WDHD1: variants seen among roughly 807,000 people sequenced by gnomAD.
WDHD1 encodes the protein WD repeat and HMG-box DNA-binding protein 1.
WDHD1 carries 111 observed loss-of-function variants against 135.4 expected under a neutral mutation model. The observed-to-expected ratio is 0.82, with a 90% CI of 0.70 to 0.96. WDHD1 has a LOEUF of 0.96. WDHD1 is among the 40% of genes least tolerant of loss of function. The pLI, the probability that WDHD1 is intolerant of heterozygous loss-of-function variation, is 0.00. For missense variants in WDHD1, 1,351 were observed against 1,336.3 expected (o/e 1.01, Z -0.17); for synonymous variants, 434 against 439.0 (o/e 0.99, Z 0.14).
At position 54,991,524 on chromosome 14, in the gene WDHD1, T is replaced by C; in HGVS notation, c.1154-124A>G. 5.5e-6 allele frequency: 5 copies of C among 913,926 alleles called. No homozygotes were observed. In the South Asian group the frequency reaches 8.5e-5, roughly 16 times the overall value. 56.6% of individuals were successfully genotyped at this position (913,926 alleles called of 1,614,324 possible). Reference sequence around the variant, plus strand: ...ATGACACTGACATGCTATTTGCCTCTTTCACTGTGTTAAAGAGATGCAGTG... The same window carrying C: ...ATGACACTGACATGCTATTTGCCTCCTTCACTGTGTTAAAGAGATGCAGTG... On this transcript the variant is annotated intron_variant, in intron 11 of 25. Coordinates refer to ENST00000360586, the MANE Select transcript of WDHD1 (RefSeq NM_007086.4).
intron 16 of WDHD1, among the ~76,000 whole-genome samples, chr14:54,971,447 T>C (rs913057386): frequency 6.6e-6 from 1 of 152,114 alleles, no homozygotes; most frequent in African/African-American, 2.4e-5. Context: ...TGTGGTGGCA[T>C]GTGCCTGTAG....
chr14:54,962,993 C>T lies in WDHD1; in HGVS notation c.2490G>A (p.Glu830=). The stretch of plus-strand genomic sequence containing the variant: ...TTCTGAAATCTTCTTCTTCTTCTTC[C>T]TCTTCCACCTGGGTTGCTGTCAATT... ...AAELTATQVE[E]EEEEEDFRKK... Residue 830 remains glutamate (E), a synonymous_variant, in exon 19 of 26, where the codon GAG becomes GAA. Transcript: ENST00000360586. The T allele has an allele frequency of 6.2e-7, 1 of 1,613,570 alleles. No homozygotes were observed. Among genetic ancestry groups the T allele is most frequent in the Non-Finnish European group, 8.5e-7 (1 of 1,179,800 alleles).
intron 15 of WDHD1, 99 bp downstream of exon 15, chr14:54,984,618 TTTATTC>T: frequency 7.1e-6 from 7 of 987,554 alleles, no homozygotes; most frequent in Non-Finnish European, 9.5e-6. Flanking sequence ...ATAGAGATAA[TTTATTC>T]TTAAATTAAT....
intron 11 of WDHD1, among the ~76,000 whole-genome samples, chr14:54,991,718 T>C (rs761291977): frequency 2.3e-4 from 35 of 152,176 alleles, no homozygotes; most frequent in Non-Finnish European, 1.0e-4. Flanking sequence ...TTTAAAGTTC[T>C]GTGTGCTAAA....
chr14:54,988,982 T>C (rs1406489390), intron 13 of WDHD1, 46 bp downstream of exon 13: 23 of 1,484,482 alleles, frequency 1.5e-5, no homozygotes, highest in Admixed American at 2.0e-5. Context: ...CAACTGTATC[T>C]AACAGTTCAA....
rs987448108 is a variant in WDHD1 at position 54,939,300 on chromosome 14, G to T, written c.*2190C>A. On this transcript the variant is annotated 3_prime_UTR_variant, in exon 26 of 26. Coordinates refer to ENST00000360586, the MANE Select transcript of WDHD1 (RefSeq NM_007086.4). Reference sequence around the variant, plus strand: ...ACTACCTGGCATCTGTTCCATGTTAGTGACAGTGACTCACCCCAGGTTGCT... The same window carrying T: ...ACTACCTGGCATCTGTTCCATGTTATTGACAGTGACTCACCCCAGGTTGCT... 6.6e-6 allele frequency: 1 copy of T among 152,176 alleles called. No individual in the cohort carries two copies. Among genetic ancestry groups the T allele is most frequent in the South Asian group, 2.1e-4 (1 of 4,834 alleles). The allele number at this position is 152,176 out of a possible 1,614,324, so 9.4% of individuals were successfully genotyped here. A position where few individuals can be genotyped will look rare whatever the true frequency, so the allele number is the denominator to read the frequency against.
chr14:54,967,971 T>C (rs1324067207), intron 16 of WDHD1, among the ~76,000 whole-genome samples: 1 of 152,176 alleles, frequency 6.6e-6, no homozygotes, highest in Non-Finnish European at 1.5e-5. Flanking sequence ...ATCAGCTCTC[T>C]TCATATTTTC....
intron 18 of WDHD1, among the ~76,000 whole-genome samples, chr14:54,964,071 G>C (rs2041301426): frequency 6.6e-6 from 1 of 152,134 alleles, no homozygotes; most frequent in Non-Finnish European, 1.5e-5. Context: ...TCTTGCCACT[G>C]TACTCTAGCC....
chr14:55,007,342 AT>A lies in WDHD1; in HGVS notation c.537del (p.Lys179AsnfsTer5). 1 of 1,605,646 alleles carries A rather than the reference AT, an allele frequency of 6.2e-7. No homozygotes were observed. On this transcript the variant is annotated frameshift_variant, in exon 7 of 26. Coordinates refer to ENST00000360586, the MANE Select transcript of WDHD1 (RefSeq NM_007086.4). LOFTEE classifies it high-confidence loss of function. ...TCAISWPLLQ[K>X]CNDVINAKSI... ...GATTTTGCATTTATCACATCGTTGC[AT>A]TTTTGTAGCAGTGGCCAACTAATAG...
intron 16 of WDHD1, among the ~76,000 whole-genome samples, chr14:54,978,071 T>G (rs556660032): frequency 2.6e-5 from 4 of 152,256 alleles, no homozygotes; most frequent in African/African-American, 9.6e-5. Flanking sequence ...AATAAATAAT[T>G]TCATATACCT....
At position 54,966,488 on chromosome 14, in the gene WDHD1, A is replaced by G. The variant is rs112028956; in HGVS notation, c.2297T>C (p.Met766Thr). The G allele has an allele frequency of 1.1e-5, 18 of 1,599,452 alleles. No individual in the cohort carries two copies. The highest frequency in any genetic ancestry group is 1.5e-5 in the Non-Finnish European group (18 of 1,176,994). Residue 766 changes from methionine (M) to threonine (T), a missense_variant, in exon 18 of 26, where the codon ATG becomes ACG. Around this residue, in one of 2 missense-constraint regions of WDHD1, gnomAD observed 1,330 missense variants for 1,296.1 expected, o/e 1.03. Transcript: ENST00000360586. ...TATTTTACTCACCGCAAGCATTTTC[A>G]TTAAAAGTTCCTGTTGCTCTTTTGT... The part of the protein sequence containing the change: ...QATKEQQELL[M>T]KMLALSCKLE...
chr14:54,998,928 A>G (rs2041935024), intron 10 of WDHD1, among the ~76,000 whole-genome samples: 1 of 152,232 alleles, frequency 6.6e-6, no homozygotes, highest in Admixed American at 6.5e-5. Flanking sequence ...TGTTCTAACT[A>G]TACATAATTC....
intron 25 of WDHD1, among the ~76,000 whole-genome samples, chr14:54,943,590 G>A (rs553974993): frequency 2.6e-5 from 4 of 152,166 alleles, no homozygotes; most frequent in African/African-American, 9.6e-5. Context: ...TAGAGATGGT[G>A]TATCACTATG....
At chr14:54,988,898 G>A in intron 13 of WDHD1, 130 bp downstream of exon 13, 3 of 787,930 alleles carry the variant, frequency 3.8e-6, no homozygotes, top group Non-Finnish European at 3.9e-6. Flanking sequence ...GCTGGTGTTT[G>A]TACCAAACTC....
Position 55,007,317 on chromosome 14 carries a change from G to T in WDHD1, c.563C>A (p.Ser188Ter). 1 of 1,605,030 alleles carries T rather than the reference G, an allele frequency of 6.2e-7. No individual in the cohort carries two copies. The change falls in exon 7 of 26, where the codon TCA becomes TAA. Residue 188 changes from serine (S) to a stop codon, truncating the protein, a stop_gained. Transcript: ENST00000360586. LOFTEE classifies it high-confidence loss of function. ...QKCNDVINAK[S>*]ICRLAWQPKS... ...TGGCTGCCAAGCAAGTCTGCAGATT[G>T]ATTTTGCATTTATCACATCGTTGCA...
chr14:55,004,691 G>GATCC (rs1283248386), intron 7 of WDHD1: 1 of 345,748 alleles, frequency 2.9e-6, no homozygotes, highest in African/African-American at 2.1e-5. Context: ...GGCCTCAACT[G>GATCC]ATCCACCTGT....
At chr14:54,980,012 C>T (rs34543433) in intron 16 of WDHD1, among the ~76,000 whole-genome samples, 1,901 of 152,206 alleles carry the variant, frequency 0.012, 13 homozygotes, top group Non-Finnish European at 0.019. Flanking sequence ...AGAGAATGTA[C>T]CAGCCATATC....
intron 24 of WDHD1, 41 bp from the exon 25 acceptor site, chr14:54,944,511 A>C: frequency 6.6e-7 from 1 of 1,520,452 alleles, no homozygotes; most frequent in Non-Finnish European, 8.8e-7. Flanking sequence ...TACTTAAGAC[A>C]GAGTTTAAAG....
At chr14:54,978,577 C>T (rs1435100844) in intron 16 of WDHD1, among the ~76,000 whole-genome samples, 4 of 150,876 alleles carry the variant, frequency 2.7e-5, no homozygotes, top group Non-Finnish European at 5.9e-5. Flanking sequence ...TGAGTGATAC[C>T]CTGGCTCTAA....
Sources: gnomAD v4.1 joint callset for allele counts (sites outside exome capture counted in the v4.1 genomes callset) on GRCh38, gnomAD v4.1.1 for gene constraint, gnomAD v4.1.1 regional missense constraint, MANE v1.5 for transcripts, NCBI Gene and HGNC (gene_info 2026-07-23, HGNC 2026-07-21) for gene names.